Variants in CNTNAP2 observed in about 807,000 individuals in gnomAD.
The protein encoded by CNTNAP2 is contactin associated protein 2.
In CNTNAP2, 98 loss-of-function variants were observed where a neutral mutation model predicts 155.2. That is an observed-to-expected ratio of 0.63 (90% CI 0.54 to 0.75). The LOEUF (loss-of-function observed/expected upper bound fraction) is 0.75, where lower values mean the gene tolerates loss of function less well. Ranked by LOEUF, CNTNAP2 falls within the 30% of genes least tolerant of loss-of-function variation. CNTNAP2 has a pLI of 0.00. For missense variants in CNTNAP2, 1,727 were observed against 1,688.1 expected (o/e 1.02, Z -0.40); for synonymous variants, 651 against 631.2 (o/e 1.03, Z -0.47).
intron 16 of CNTNAP2, among the ~76,000 whole-genome samples, chr7:148,144,599 G>T (rs977116577): frequency 6.6e-6 from 1 of 152,180 alleles, no homozygotes; most frequent in African/African-American, 2.4e-5. Context: ...TGCAAGTGGG[G>T]TAAAGTCTCA....
intron 1 of CNTNAP2, among the ~76,000 whole-genome samples, chr7:146,231,828 G>A (rs997303720): frequency 6.6e-6 from 1 of 152,188 alleles, no homozygotes; most frequent in African/African-American, 2.4e-5. Context: ...AACTGCACAT[G>A]TGGCACACAC....
At chr7:147,875,889 C>A (rs188395472) in intron 13 of CNTNAP2, among the ~76,000 whole-genome samples, 86 of 152,234 alleles carry the variant, frequency 5.6e-4, no homozygotes, top group Admixed American at 2.3e-3. Flanking sequence ...GGTAACAACA[C>A]AATTAAGGAG....
intron 13 of CNTNAP2, among the ~76,000 whole-genome samples, chr7:147,683,583 T>TA (rs1422529716): frequency 2.7e-5 from 4 of 150,854 alleles, no homozygotes; most frequent in Non-Finnish European, 5.9e-5. Context: ...CTTGTCCATA[T>TA]TATTATCTCT....
chr7:147,488,109 A>T (rs993205814), intron 11 of CNTNAP2, among the ~76,000 whole-genome samples: 2 of 152,230 alleles, frequency 1.3e-5, no homozygotes, highest in Non-Finnish European at 2.9e-5. Context: ...GCCTCCTAAT[A>T]ACCTGAAAGA....
rs918971214 is a variant in CNTNAP2, at chr7:146,394,857, C to A, written c.97+277884C>A. Among the ~76,000 whole-genome samples the A allele has an allele frequency of 2.6e-5, 4 of 152,094 alleles. No individual in the cohort carries two copies. The South Asian group carries it at 8.3e-4, about 32-fold the overall frequency. On this transcript the variant is annotated intron_variant, in intron 1 of 23. Transcript: ENST00000361727. ...GTATAACCATTCCCAGAACAGCGTA[C>A]ATTGTACCCACTGGGTAATTTCTCA... is the stretch of plus-strand genomic sequence containing the variant.
chr7:146,911,313 C>A (rs1796270576), intron 3 of CNTNAP2, among the ~76,000 whole-genome samples: 1 of 152,014 alleles, frequency 6.6e-6, no homozygotes, highest in East Asian at 1.9e-4. Context: ...TGGGTATATA[C>A]CCAAAGGACT....
At chr7:146,688,167 A>G (rs975304871) in intron 1 of CNTNAP2, among the ~76,000 whole-genome samples, 1 of 152,154 alleles carries the variant, frequency 6.6e-6, no homozygotes, top group African/African-American at 2.4e-5. Context: ...TTCATTTATA[A>G]GGAAGGTACT....
chr7:146,279,643 G>C (rs1800218777), intron 1 of CNTNAP2, among the ~76,000 whole-genome samples: 1 of 151,778 alleles, frequency 6.6e-6, no homozygotes, highest in Admixed American at 6.6e-5. Context: ...ACATGAATAA[G>C]ACATAAAAAT....
intron 10 of CNTNAP2, among the ~76,000 whole-genome samples, chr7:147,409,859 C>A (rs10271993): frequency 6.6e-6 from 1 of 150,874 alleles, no homozygotes; most frequent in African/African-American, 2.4e-5. Context: ...AAGATACCAT[C>A]TCAGGCTAGT....
intron 1 of CNTNAP2, among the ~76,000 whole-genome samples, chr7:146,448,392 ATT>A (rs34055823): frequency 4.0e-5 from 6 of 149,848 alleles, no homozygotes; most frequent in African/African-American, 1.5e-4. Flanking sequence ...AGAATATAGG[ATT>A]TTTTTTTTAA....
intron 1 of CNTNAP2, among the ~76,000 whole-genome samples, chr7:146,128,117 A>G (rs1181028601): frequency 1.3e-5 from 2 of 152,140 alleles, no homozygotes; most frequent in Non-Finnish European, 2.9e-5. Flanking sequence ...ATGCCTACTA[A>G]AAACACATTA....
chr7:146,980,355 CACAT>C (rs1480875713), intron 3 of CNTNAP2, among the ~76,000 whole-genome samples: 2 of 152,112 alleles, frequency 1.3e-5, no homozygotes, highest in African/African-American at 4.8e-5. Context: ...GCTGCTGTAA[CACAT>C]AAGTCCTTGA....
At chr7:146,299,727 G>A (rs73459997) in intron 1 of CNTNAP2, among the ~76,000 whole-genome samples, 2,925 of 152,094 alleles carry the variant, frequency 0.019, 114 homozygotes, top group African/African-American at 0.067. Context: ...AGTATATTCC[G>A]CAATTATGGA....
chr7:147,356,134 T>G (rs897676479), intron 9 of CNTNAP2, among the ~76,000 whole-genome samples: 1 of 152,042 alleles, frequency 6.6e-6, no homozygotes, highest in African/African-American at 2.4e-5. Context: ...GTTCAACATA[T>G]GCAAATCAAT....
chr7:148,288,449 G>A (rs1797129767), intron 21 of CNTNAP2, among the ~76,000 whole-genome samples: 1 of 151,970 alleles, frequency 6.6e-6, no homozygotes, highest in Non-Finnish European at 1.5e-5. Context: ...GACCCACCGC[G>A]ATGACCTTAT....
Position 148,091,426 on chromosome 7 carries a change from T to A in CNTNAP2, c.2384-26692T>A, listed in dbSNP as rs1269600918. The stretch of plus-strand genomic sequence containing the variant: ...AAAAATTTACACCTTCCTTTTGGAA[T>A]AAATATCCCAGCTCTCAAAGCTGAT... On this transcript the variant is annotated intron_variant, in intron 15 of 23. Transcript: ENST00000361727. 2.0e-5 allele frequency among the ~76,000 whole-genome samples: 3 copies of A among 152,198 alleles called. No homozygotes were observed. In the East Asian group the frequency reaches 5.8e-4, roughly 29 times the overall value.
chr7:146,657,650 G>GT (rs777396119), intron 1 of CNTNAP2, among the ~76,000 whole-genome samples: 6 of 151,850 alleles, frequency 4.0e-5, no homozygotes, highest in Admixed American at 2.6e-4. Flanking sequence ...TAAACTACTA[G>GT]TTTTTTGCCA....
intron 2 of CNTNAP2, among the ~76,000 whole-genome samples, chr7:146,800,955 A>T (rs1054614217): frequency 6.6e-6 from 1 of 152,120 alleles, no homozygotes; most frequent in Admixed American, 6.5e-5. Flanking sequence ...TCCTCTCTTT[A>T]GGAAGAATAA....
intron 1 of CNTNAP2, among the ~76,000 whole-genome samples, chr7:146,734,377 C>T (rs1057481983): frequency 1.3e-5 from 2 of 151,942 alleles, no homozygotes; most frequent in African/African-American, 4.8e-5. Context: ...GAAGAAAATG[C>T]ACAGAATTTA....
Sources: allele counts gnomAD v4.1 joint callset (sites outside exome capture counted in the v4.1 genomes callset), GRCh38; gene constraint gnomAD v4.1.1; transcripts MANE v1.5; gene names NCBI Gene and HGNC (gene_info 2026-07-23, HGNC 2026-07-21).